The following COLEC12 variants were observed in gnomAD, a reference collection of about 807,000 sequenced individuals.
The protein encoded by COLEC12 is collectin-12.
A neutral mutation model predicts 71.1 loss-of-function variants in COLEC12; 33 were observed. The observed-to-expected ratio is 0.46, with a 90% CI of 0.35 to 0.62. The LOEUF is 0.62. Ranked by LOEUF, COLEC12 falls within the 20% of genes least tolerant of loss-of-function variation. The probability of loss-of-function intolerance (pLI) is 0.00; values close to 1 mark genes in which losing one functional copy is unlikely to be tolerated. For synonymous variants in COLEC12, 350 were observed against 353.0 expected (o/e 0.99, Z 0.10); for missense variants, 765 against 916.1 (o/e 0.84, Z 2.13).
intron 8 of COLEC12, among the ~76,000 whole-genome samples, chr18:325,005 A>T (rs1913802682): frequency 6.6e-6 from 1 of 152,120 alleles, no homozygotes; most frequent in South Asian, 2.1e-4. Flanking sequence ...CCTGGGCAAC[A>T]CAGTGAGACC....
chr18:324,474 A>G (rs889363135), intron 8 of COLEC12, among the ~76,000 whole-genome samples: 1 of 147,866 alleles, frequency 6.8e-6, no homozygotes, highest in Non-Finnish European at 1.5e-5. Context: ...TGATTGCTCC[A>G]GTAAGCTGGA....
intron 9 of COLEC12, 76 bp from the exon 10 acceptor site, chr18:320,140 C>T (rs536305949): frequency 4.0e-4 from 334 of 842,758 alleles, no homozygotes; most frequent in Non-Finnish European, 4.1e-4. Flanking sequence ...AAAAAGGGAA[C>T]GTGTATTTTT....
intron 8 of COLEC12, among the ~76,000 whole-genome samples, chr18:325,978 T>C (rs373278487): frequency 2.6e-5 from 4 of 152,324 alleles, no homozygotes; most frequent in South Asian, 4.1e-4. Flanking sequence ...TTTCTACTGT[T>C]GGTCTTTCTA....
At chr18:442,384 C>T (rs990372280) in intron 2 of COLEC12, among the ~76,000 whole-genome samples, 68 of 152,178 alleles carry the variant, frequency 4.5e-4, no homozygotes, top group Non-Finnish European at 1.2e-4. Context: ...GGGTAAACAG[C>T]GAAGCCTGGC....
chr18:427,848 T>A (rs146431636), intron 2 of COLEC12, among the ~76,000 whole-genome samples: 6 of 152,306 alleles, frequency 3.9e-5, no homozygotes, highest in Admixed American at 3.9e-4. Context: ...TCTGGCTGTG[T>A]CTGGTGGGCG....
chr18:350,693 T>G (rs1350320476), intron 3 of COLEC12, among the ~76,000 whole-genome samples: 1 of 151,960 alleles, frequency 6.6e-6, no homozygotes, highest in Non-Finnish European at 1.5e-5. Flanking sequence ...TTTGGGAGGC[T>G]GGGGTGGGTG....
intron 2 of COLEC12, among the ~76,000 whole-genome samples, chr18:409,869 C>A (rs1598354618): frequency 6.6e-6 from 1 of 152,162 alleles, no homozygotes; most frequent in Non-Finnish European, 1.5e-5. Context: ...CAGATAAGCA[C>A]AAGAAGGAGG....
chr18:453,519 T>C (rs922534334), intron 2 of COLEC12, among the ~76,000 whole-genome samples: 8 of 151,996 alleles, frequency 5.3e-5, no homozygotes, highest in Non-Finnish European at 1.2e-4. Context: ...ACCAGACACA[T>C]AGGATTTGGA....
At chr18:415,153 G>C (rs1041911286) in intron 2 of COLEC12, among the ~76,000 whole-genome samples, 6 of 152,244 alleles carry the variant, frequency 3.9e-5, no homozygotes, top group South Asian at 2.1e-4. Context: ...AAGCTTTGCA[G>C]TTTACTAACA....
chr18:395,820 C>T (rs1915559047), intron 2 of COLEC12, among the ~76,000 whole-genome samples: 2 of 152,296 alleles, frequency 1.3e-5, no homozygotes, highest in South Asian at 2.1e-4. Flanking sequence ...ATGCCAATCC[C>T]CAATTCCCCC....
chr18:325,479 G>C (rs1198292528), intron 8 of COLEC12, among the ~76,000 whole-genome samples: 3 of 152,038 alleles, frequency 2.0e-5, no homozygotes, highest in African/African-American at 7.2e-5. Flanking sequence ...ACCTCCCTTA[G>C]CATTCTGCTC....
At chr18:360,375 G>T (rs1431371479) in intron 2 of COLEC12, among the ~76,000 whole-genome samples, 1 of 151,990 alleles carries the variant, frequency 6.6e-6, no homozygotes, top group Non-Finnish European at 1.5e-5. Flanking sequence ...TAGAAACGGG[G>T]TTTCACCATG....
intron 1 of COLEC12, among the ~76,000 whole-genome samples, chr18:499,142 GGA>G (rs1917769613): frequency 6.6e-6 from 1 of 152,196 alleles, no homozygotes; most frequent in African/African-American, 2.4e-5. Flanking sequence ...AGCCAGCTAA[GGA>G]ATGTGTGTAT....
rs1914410804 is a variant in COLEC12, at chr18:347,446, G to A, written c.281-105C>T. 3.3e-6 allele frequency: 3 copies of A among 907,624 alleles called. No homozygotes were observed. In the African/African-American group the frequency reaches 5.0e-5, roughly 15 times the overall value. The allele number at this position is 907,624 out of a possible 1,614,324, so 56.2% of individuals were successfully genotyped here. A position where few individuals can be genotyped will look rare whatever the true frequency, so the allele number is the denominator to read the frequency against. ...AATCGGTATGCACTGTATTTTAGAT[G>A]CAAAATTGGCAGTATAAGCGGACAG... On this transcript the variant is annotated intron_variant, in intron 4 of 9. Transcript: ENST00000400256.
At chr18:421,516 G>A (rs913232150) in intron 2 of COLEC12, among the ~76,000 whole-genome samples, 1 of 152,096 alleles carries the variant, frequency 6.6e-6, no homozygotes. Context: ...ACGACTCAGA[G>A]GAATGTAAGA....
chr18:437,385 T>C (rs760537852), intron 2 of COLEC12, among the ~76,000 whole-genome samples: 2 of 152,216 alleles, frequency 1.3e-5, no homozygotes, highest in Non-Finnish European at 2.9e-5. Context: ...TTCATTTCTC[T>C]AAAATTCTTT....
At chr18:375,536 G>C (rs1460944537) in intron 2 of COLEC12, among the ~76,000 whole-genome samples, 2 of 152,084 alleles carry the variant, frequency 1.3e-5, no homozygotes, top group Non-Finnish European at 2.9e-5. Context: ...GCCCAGGCTG[G>C]AGTGCAGTGG....
At position 331,696 on chromosome 18, in the gene COLEC12, A is replaced by G. The variant is rs761641192; in HGVS notation, c.2035T>C (p.Trp679Arg). Residue 679 changes from tryptophan (W) to arginine (R), a missense_variant, in exon 8 of 10, where the codon TGG (tryptophan) becomes CGG (arginine). Trp to Arg is a moderately radical substitution (Grantham distance 101). Coordinates refer to ENST00000400256, the MANE Select transcript of COLEC12 (RefSeq NM_130386.3). ...TDSERENEWKWLDGTSPDYKN... is the reference protein window; with the variant it reads ...TDSERENEWKRLDGTSPDYKN... ...TAGTCTGGAGATGTCCCATCCAGCC[A>G]CTTCCATTCATTTTCACGCTCTGAG... 1 of 1,612,756 alleles carries G rather than the reference A, an allele frequency of 6.2e-7. No individual in the cohort carries two copies. Among genetic ancestry groups the G allele is most frequent in the East Asian group, 2.2e-5 (1 of 44,872 alleles).
At chr18:483,047 A>G (rs544432234) in intron 1 of COLEC12, among the ~76,000 whole-genome samples, 1 of 152,240 alleles carries the variant, frequency 6.6e-6, no homozygotes, top group African/African-American at 2.4e-5. Flanking sequence ...GATGTATGCT[A>G]TCTATAAACA....
Sources: gnomAD v4.1 joint callset for allele counts (sites outside exome capture counted in the v4.1 genomes callset) on GRCh38, gnomAD v4.1.1 for gene constraint, MANE v1.5 for transcripts, NCBI Gene and HGNC (gene_info 2026-07-23, HGNC 2026-07-21) for gene names.